LRMDA: variants seen among roughly 807,000 people sequenced by gnomAD.
The protein encoded by LRMDA is leucine-rich melanocyte differentiation-associated protein.
In LRMDA, 18 loss-of-function variants were observed where a neutral mutation model predicts 29.8. The observed-to-expected ratio is 0.60, with a 90% CI of 0.42 to 0.90. The LOEUF is 0.90. LRMDA is among the 40% of genes least tolerant of loss of function. The probability of loss-of-function intolerance (pLI) is 0.00; values close to 1 mark genes in which losing one functional copy is unlikely to be tolerated. For missense variants in LRMDA, 273 were observed against 273.9 expected (o/e 1.00, Z 0.02); for synonymous variants, 125 against 109.4 (o/e 1.14, Z -0.89).
At chr10:75,707,300 C>G (rs1842381140) in intron 2 of LRMDA, among the ~76,000 whole-genome samples, 1 of 152,184 alleles carries the variant, frequency 6.6e-6, no homozygotes, top group Admixed American at 6.5e-5. Context: ...AATTTGGGAA[C>G]CACTGTAAGT....
At chr10:75,779,513 G>T (rs1843353685) in intron 2 of LRMDA, among the ~76,000 whole-genome samples, 1 of 152,186 alleles carries the variant, frequency 6.6e-6, no homozygotes, top group Admixed American at 6.5e-5. Context: ...TAAAAATACT[G>T]CATGCTAGCC....
chr10:76,406,713 CTGAG>C (rs1046447041), intron 6 of LRMDA, among the ~76,000 whole-genome samples: 43 of 152,032 alleles, frequency 2.8e-4, no homozygotes, highest in African/African-American at 1.0e-3. Flanking sequence ...CATCATGACC[CTGAG>C]TATGTCCCTT....
intron 5 of LRMDA, among the ~76,000 whole-genome samples, chr10:76,285,286 C>T (rs1840257810): frequency 6.6e-6 from 1 of 152,054 alleles, no homozygotes; most frequent in African/African-American, 2.4e-5. Context: ...TATGAAGTCA[C>T]AAAGGGAGTA....
intron 6 of LRMDA, among the ~76,000 whole-genome samples, chr10:76,530,926 A>G (rs12771927): frequency 0.18 from 27,186 of 152,158 alleles, 2,536 homozygotes; most frequent in Admixed American, 0.23. Flanking sequence ...GCTTTCTGCT[A>G]TGGTCTCAAT....
chr10:75,985,085 T>C (rs1392455644), intron 2 of LRMDA, among the ~76,000 whole-genome samples: 2 of 152,144 alleles, frequency 1.3e-5, no homozygotes, highest in African/African-American at 4.8e-5. Flanking sequence ...AATGGCTTGT[T>C]GGAGGGAGCG....
At chr10:76,547,597 A>G (rs1056524968) in intron 6 of LRMDA, among the ~76,000 whole-genome samples, 3 of 152,102 alleles carry the variant, frequency 2.0e-5, no homozygotes, top group African/African-American at 7.2e-5. Flanking sequence ...GGTGGAAAGG[A>G]TGAATGTAGA....
chr10:76,150,591 C>T (rs1008506564), intron 5 of LRMDA, among the ~76,000 whole-genome samples: 22 of 152,144 alleles, frequency 1.4e-4, no homozygotes, highest in Admixed American at 8.5e-4. Context: ...GTCCATTAAG[C>T]GGATGTTTGT....
rs530820173 is a variant in LRMDA at position 76,450,163 on chromosome 10, CT to C, written c.602-107044del. Among the ~76,000 whole-genome samples the C allele has an allele frequency of 3.3e-4, 50 of 152,122 alleles. No homozygotes were observed. The South Asian group carries it at 6.8e-3, about 21-fold the overall frequency. ...TGATTAATGTTTTTATGATTTTAAG[CT>C]TAGTAAAATGTCTTCCTGCAACCTT... On this transcript the variant is annotated intron_variant, in intron 6 of 6. Transcript: ENST00000611255.
intron 2 of LRMDA, among the ~76,000 whole-genome samples, chr10:75,892,495 G>A (rs886399408): frequency 1.3e-5 from 2 of 152,214 alleles, no homozygotes; most frequent in Non-Finnish European, 2.9e-5. Flanking sequence ...TAAGACATAA[G>A]TAATACCATT....
At chr10:76,392,270 G>A (rs757467043) in intron 6 of LRMDA, among the ~76,000 whole-genome samples, 13 of 152,104 alleles carry the variant, frequency 8.5e-5, no homozygotes, top group Middle Eastern at 3.4e-3. Context: ...GTAGGTCAAC[G>A]TAACAAACTT....
intron 2 of LRMDA, among the ~76,000 whole-genome samples, chr10:75,505,111 A>G (rs999798265): frequency 9.9e-5 from 15 of 152,146 alleles, no homozygotes; most frequent in Non-Finnish European, 1.6e-4. Flanking sequence ...AATGGGATGA[A>G]TAAGGGTTGT....
chr10:75,692,218 AAATATATAT>A lies in LRMDA; in HGVS notation c.131+253726_131+253734del, dbSNP rs1447274192. ...CCTTGTCTCTGGGGGGAAAAAAAAA[AAATATATAT>A]ATATATATATATATATATATACATA... is the stretch of plus-strand genomic sequence containing the variant. On this transcript the variant is annotated intron_variant, in intron 2 of 6. Coordinates refer to ENST00000611255, the MANE Select transcript of LRMDA (RefSeq NM_001305581.2). Among the ~76,000 whole-genome samples, 247 of 43,952 alleles carry A rather than the reference AAATATATAT, an allele frequency of 5.6e-3. 1 individual carries two copies. The highest frequency in any genetic ancestry group is 0.014 in the African/African-American group (177 of 12,258). 28.8% of individuals were successfully genotyped at this position (43,952 alleles called of 152,430 possible).
chr10:76,047,343 A>G (rs1462911307), intron 4 of LRMDA, 40 bp downstream of exon 4: 1 of 1,560,664 alleles, frequency 6.4e-7, no homozygotes, highest in African/African-American at 1.4e-5. Context: ...GAAAAGGGAA[A>G]AAGAGAAACT....
intron 2 of LRMDA, among the ~76,000 whole-genome samples, chr10:75,488,230 G>A (rs1844939205): frequency 6.6e-6 from 1 of 152,134 alleles, no homozygotes; most frequent in South Asian, 2.1e-4. Context: ...AGGCTTTTAG[G>A]ACTTCATAAT....
chr10:75,840,677 G>C (rs1844525448), intron 2 of LRMDA, among the ~76,000 whole-genome samples: 1 of 152,208 alleles, frequency 6.6e-6, no homozygotes, highest in Non-Finnish European at 1.5e-5. Flanking sequence ...CTCTCATATA[G>C]AGCTTGAGAC....
intron 5 of LRMDA, among the ~76,000 whole-genome samples, chr10:76,119,659 A>G (rs1474700110): frequency 6.6e-6 from 1 of 152,146 alleles, no homozygotes; most frequent in Non-Finnish European, 1.5e-5. Flanking sequence ...TCTTAAGTCT[A>G]GAGGCTGATT....
chr10:76,166,342 G>T (rs991768197), intron 5 of LRMDA, among the ~76,000 whole-genome samples: 1 of 152,038 alleles, frequency 6.6e-6, no homozygotes, highest in Admixed American at 6.6e-5. Context: ...TAAGTTCAGG[G>T]GTACATGTGC....
intron 2 of LRMDA, among the ~76,000 whole-genome samples, chr10:75,532,631 C>A (rs1845491464): frequency 6.6e-6 from 1 of 151,920 alleles, no homozygotes; most frequent in Non-Finnish European, 1.5e-5. Flanking sequence ...TCATTTCAGA[C>A]TTTTTTTTGT....
chr10:75,452,129 G>A (rs1323384761), intron 2 of LRMDA, among the ~76,000 whole-genome samples: 2 of 152,168 alleles, frequency 1.3e-5, no homozygotes, highest in African/African-American at 4.8e-5. Flanking sequence ...CGTTGTTGGA[G>A]AGGTCAAGGG....
Sources: allele counts gnomAD v4.1 joint callset (sites outside exome capture counted in the v4.1 genomes callset), GRCh38; gene constraint gnomAD v4.1.1; transcripts MANE v1.5; gene names NCBI Gene and HGNC (gene_info 2026-07-23, HGNC 2026-07-21).